Variants in UNC5D observed in about 807,000 individuals in gnomAD.
UNC5D encodes the protein netrin receptor UNC5D.
Under a neutral mutation model 105.4 loss-of-function variants are expected in UNC5D, and 39 were observed. The observed-to-expected ratio is 0.37, with a 90% CI of 0.29 to 0.48. The LOEUF (loss-of-function observed/expected upper bound fraction) is 0.48. Among genes scored for constraint, UNC5D ranks in the 20% least tolerant of loss-of-function variants. The pLI, the probability that UNC5D is intolerant of heterozygous loss-of-function variation, is 0.98. For missense variants in UNC5D, 991 were observed against 1,202.4 expected (o/e 0.82, Z 2.60); for synonymous variants, 452 against 450.4 (o/e 1.00, Z -0.04).
At chr8:35,410,763 G>T (rs1805111429) in intron 1 of UNC5D, among the ~76,000 whole-genome samples, 2 of 152,022 alleles carry the variant, frequency 1.3e-5, no homozygotes, top group Non-Finnish European at 2.9e-5. Context: ...TATGTAACTT[G>T]CCCAAGGTTG....
In UNC5D at chr8:35,790,597, G is replaced by A. The variant is rs1377265924; in HGVS notation, c.*34G>A. 8.1e-6 allele frequency: 13 copies of A among 1,610,782 alleles called. No individual in the cohort carries two copies. The highest frequency in any genetic ancestry group is 1.0e-5 in the Non-Finnish European group (12 of 1,178,136). Reference sequence around the variant, plus strand: ...CTCCCATGAGACAGAGTGATGGCCAGCTTGGGGACATTTGCTTTAAATGGG... The same window carrying A: ...CTCCCATGAGACAGAGTGATGGCCAACTTGGGGACATTTGCTTTAAATGGG... On this transcript the variant is annotated 3_prime_UTR_variant, in exon 17 of 17. Coordinates refer to ENST00000404895, the MANE Select transcript of UNC5D (RefSeq NM_080872.4).
chr8:35,682,206 G>A (rs1825714969), intron 4 of UNC5D, among the ~76,000 whole-genome samples: 1 of 152,148 alleles, frequency 6.6e-6, no homozygotes. Context: ...CTCGTGATCT[G>A]CCCGCCTCGG....
intron 4 of UNC5D, among the ~76,000 whole-genome samples, chr8:35,654,522 A>G (rs1204780162): frequency 6.6e-6 from 1 of 152,182 alleles, no homozygotes; most frequent in Non-Finnish European, 1.5e-5. Context: ...GCAGTGGAAA[A>G]TGCCTGCTCT....
intron 1 of UNC5D, among the ~76,000 whole-genome samples, chr8:35,288,899 A>G (rs1326520143): frequency 6.6e-6 from 1 of 152,142 alleles, no homozygotes; most frequent in Admixed American, 6.5e-5. Context: ...ACCACAGAAA[A>G]CCATCAAACC....
At chr8:35,756,551 TA>T (rs560731427) in intron 13 of UNC5D, among the ~76,000 whole-genome samples, 1,616 of 122,836 alleles carry the variant, frequency 0.013, 18 homozygotes, top group African/African-American at 0.034. Flanking sequence ...CATGAGTCTT[TA>T]AAAAAAAAAA....
chr8:35,351,751 G>A (rs1478232569), intron 1 of UNC5D, among the ~76,000 whole-genome samples: 2 of 152,124 alleles, frequency 1.3e-5, no homozygotes, highest in African/African-American at 4.8e-5. Context: ...TAGTAGAATT[G>A]TATATGATAA....
chr8:35,715,172 GA>G (rs1184474642), intron 8 of UNC5D, among the ~76,000 whole-genome samples: 1 of 152,022 alleles, frequency 6.6e-6, no homozygotes, highest in Non-Finnish European at 1.5e-5. Context: ...ACAAAAAAAA[GA>G]ATGAAGTAGG....
intron 1 of UNC5D, among the ~76,000 whole-genome samples, chr8:35,294,689 C>T (rs999420972): frequency 1.3e-3 from 139 of 109,182 alleles, no homozygotes; most frequent in African/African-American, 4.2e-3. Context: ...CACAAATTTT[C>T]TTTTCTTCTT....
At chr8:35,685,615 A>C (rs1825956013) in intron 6 of UNC5D, among the ~76,000 whole-genome samples, 1 of 152,180 alleles carries the variant, frequency 6.6e-6, no homozygotes, top group Admixed American at 6.5e-5. Flanking sequence ...GCATTTATTG[A>C]GTGCTTACTA....
chr8:35,671,481 T>TAA (rs1046965883), intron 4 of UNC5D, among the ~76,000 whole-genome samples: 3 of 152,200 alleles, frequency 2.0e-5, no homozygotes, highest in Non-Finnish European at 4.4e-5. Context: ...GATTTCTGCA[T>TAA]AAAGAACTTT....
chr8:35,665,049 G>A (rs1824341279), intron 4 of UNC5D, among the ~76,000 whole-genome samples: 1 of 151,940 alleles, frequency 6.6e-6, no homozygotes, highest in Admixed American at 6.6e-5. Flanking sequence ...GCCCCAGCTG[G>A]TCTTAAAACT....
chr8:35,268,709 G>A (rs1394370177), intron 1 of UNC5D, among the ~76,000 whole-genome samples: 1 of 151,598 alleles, frequency 6.6e-6, no homozygotes, highest in East Asian at 1.9e-4. Context: ...TTAGACTCTG[G>A]GCACTGTTCT....
At chr8:35,517,305 A>G (rs1233366247) in intron 1 of UNC5D, among the ~76,000 whole-genome samples, 1 of 152,206 alleles carries the variant, frequency 6.6e-6, no homozygotes, top group Non-Finnish European at 1.5e-5. Flanking sequence ...TATGGGTGGA[A>G]AAACTAGAAA....
At chr8:35,598,788 G>A (rs1052058939) in intron 4 of UNC5D, among the ~76,000 whole-genome samples, 1 of 152,128 alleles carries the variant, frequency 6.6e-6, no homozygotes, top group Non-Finnish European at 1.5e-5. Context: ...TATGTCAAGT[G>A]CAATAAGCCA....
chr8:35,722,495 T>G, intron 9 of UNC5D, 100 bp downstream of exon 9: 6 of 1,438,720 alleles, frequency 4.2e-6, no homozygotes, highest in Admixed American at 2.5e-5. Context: ...AGGTAGCTCT[T>G]GGCACTGGGA....
intron 11 of UNC5D, among the ~76,000 whole-genome samples, chr8:35,739,933 T>A (rs571401758): frequency 6.6e-6 from 1 of 152,306 alleles, no homozygotes; most frequent in Non-Finnish European, 1.5e-5. Flanking sequence ...ACAGTTATAA[T>A]CTTTCTTTAA....
chr8:35,381,828 T>C (rs1405475659), intron 1 of UNC5D, among the ~76,000 whole-genome samples: 5 of 152,218 alleles, frequency 3.3e-5, no homozygotes, highest in African/African-American at 1.2e-4. Flanking sequence ...TGCGTAGGCT[T>C]GACTTAGCAG....
chr8:35,779,025 G>A (rs1802384494), intron 16 of UNC5D, among the ~76,000 whole-genome samples: 1 of 152,192 alleles, frequency 6.6e-6, no homozygotes, highest in African/African-American at 2.4e-5. Context: ...AGCAAAGAAT[G>A]TCATAGATAA....
intron 10 of UNC5D, among the ~76,000 whole-genome samples, chr8:35,729,354 TC>T (rs1829065995): frequency 6.6e-6 from 1 of 152,202 alleles, no homozygotes; most frequent in Non-Finnish European, 1.5e-5. Context: ...GAATTTTGAA[TC>T]CTATTTCGTT....
Sources: allele counts gnomAD v4.1 joint callset (sites outside exome capture counted in the v4.1 genomes callset), GRCh38; gene constraint gnomAD v4.1.1; transcripts MANE v1.5; gene names NCBI Gene and HGNC (gene_info 2026-07-23, HGNC 2026-07-21).